The following COL6A5 variants were observed in gnomAD, a reference collection of about 807,000 sequenced individuals.
COL6A5 encodes collagen alpha-5(VI) chain.
COL6A5 carries 48 observed loss-of-function variants against 65.6 expected under a neutral mutation model. The observed-to-expected ratio is 0.73, with a 90% CI of 0.58 to 0.93. COL6A5 has a LOEUF of 0.93. COL6A5 is among the 40% of genes least tolerant of loss of function. The probability of loss-of-function intolerance (pLI) is 0.00; values close to 1 mark genes in which losing one functional copy is unlikely to be tolerated. For synonymous variants in COL6A5, 291 were observed against 322.8 expected, an observed-to-expected ratio of 0.90 and a Z score of 1.05; for missense variants, 914 against 928.3, an observed-to-expected ratio of 0.98 and a Z score of 0.20.
intron 25 of COL6A5, among the ~76,000 whole-genome samples, chr3:130,420,145 G>A (rs867115685): frequency 4.1e-3 from 42 of 10,164 alleles, no homozygotes; most frequent in African/African-American, 5.3e-3. Flanking sequence ...AAGGAAGAAA[G>A]AAGGAAGGAA....
chr3:130,400,601 A>T (rs540295529), intron 10 of COL6A5, among the ~76,000 whole-genome samples: 158 of 152,306 alleles, frequency 1.0e-3, no homozygotes, highest in African/African-American at 3.5e-3. Context: ...GGTGTTTGGA[A>T]TTGGGAATAA....
At chr3:130,381,800 A>G (rs530972321) in intron 4 of COL6A5, among the ~76,000 whole-genome samples, 2 of 152,084 alleles carry the variant, frequency 1.3e-5, no homozygotes, top group Admixed American at 6.6e-5. Flanking sequence ...CTTCAATCTA[A>G]TACTGTTACT....
At chr3:130,405,408 C>T (rs557338343) in intron 13 of COL6A5, among the ~76,000 whole-genome samples, 180 bp from the exon 14 acceptor site, 1 of 152,096 alleles carries the variant, frequency 6.6e-6, no homozygotes, top group Non-Finnish European at 1.5e-5. Flanking sequence ...TGTTTGAATA[C>T]AGAGGGGAAA....
chr3:130,408,450 C>A (rs545336171), intron 17 of COL6A5, among the ~76,000 whole-genome samples: 35 of 152,130 alleles, frequency 2.3e-4, no homozygotes, highest in African/African-American at 5.3e-4. Flanking sequence ...TGCTCGCGAA[C>A]ACTGTTTCCT....
intron 1 of COL6A5, among the ~76,000 whole-genome samples, chr3:130,363,425 C>T (rs1486098126): frequency 5.3e-5 from 8 of 152,112 alleles, no homozygotes; most frequent in African/African-American, 9.7e-5. Context: ...CCTGTGTTCC[C>T]GAGCTATGAA....
At chr3:130,352,414 A>G (rs1037923873) in intron 1 of COL6A5, among the ~76,000 whole-genome samples, 1 of 151,968 alleles carries the variant, frequency 6.6e-6, no homozygotes, top group Non-Finnish European at 1.5e-5. Context: ...TGATAATAAC[A>G]AGCTTATTGG....
At chr3:130,388,517 A>G (rs1057143894) in intron 5 of COL6A5, 63 bp from the exon 6 acceptor site, 21 of 1,295,532 alleles carry the variant, frequency 1.6e-5, no homozygotes, top group Non-Finnish European at 2.2e-5. Context: ...TTCTGCCTTA[A>G]TGTTACTTCA....
upstream of COL6A5, among the ~76,000 whole-genome samples, chr3:130,429,070 C>G (rs11927775): frequency 0.075 from 11,439 of 152,042 alleles, 505 homozygotes; most frequent in African/African-American, 0.12. Flanking sequence ...GGAGATCACT[C>G]AAACAGAGGA....
At chr3:130,407,662 A>G (rs1350519052) in intron 17 of COL6A5, among the ~76,000 whole-genome samples, 2 of 152,318 alleles carry the variant, frequency 1.3e-5, no homozygotes, top group South Asian at 4.1e-4. Flanking sequence ...TCCATTCTGC[A>G]CCTTAGGTGC....
intron 4 of COL6A5, among the ~76,000 whole-genome samples, chr3:130,450,936 C>T (rs1221451868): frequency 5.9e-5 from 9 of 152,060 alleles, no homozygotes; most frequent in African/African-American, 2.2e-4. Flanking sequence ...TTTAGCTGAG[C>T]CTGCAAACGG....
At chr3:130,439,413 CAAGGT>C in intron 1 of COL6A5, 104 bp from the exon 34 acceptor site, 1 of 620,930 alleles carries the variant, frequency 1.6e-6, no homozygotes, top group Non-Finnish European at 2.8e-6. Context: ...AGCTATAATG[CAAGGT>C]AATAGTGATT....
intron 1 of COL6A5, among the ~76,000 whole-genome samples, chr3:130,355,829 TA>T (rs1440236564): frequency 1.3e-5 from 2 of 150,598 alleles, no homozygotes; most frequent in Non-Finnish European, 1.5e-5. Flanking sequence ...GTCCTTACTT[TA>T]AAAAAAAAGG....
intron 24 of COL6A5, among the ~76,000 whole-genome samples, chr3:130,418,161 C>A (rs1389229422): frequency 1.3e-5 from 2 of 152,052 alleles, no homozygotes; most frequent in African/African-American, 4.8e-5. Context: ...TGTTGTACAC[C>A]TTAAACATAT....
chr3:130,414,025 A>G, intron 21 of COL6A5, 44 bp from the exon 22 acceptor site: 2 of 1,376,362 alleles, frequency 1.5e-6, no homozygotes, highest in Non-Finnish European at 1.0e-6. Flanking sequence ...CTATATGGAA[A>G]CAACGTGTAG....
intron 13 of COL6A5, among the ~76,000 whole-genome samples, chr3:130,405,206 G>C (rs540654590): frequency 6.6e-6 from 1 of 152,290 alleles, no homozygotes; most frequent in African/African-American, 2.4e-5. Flanking sequence ...GCACTGACTT[G>C]TGGGTCTACT....
chr3:130,447,831 A>AC (rs35848951), intron 4 of COL6A5, among the ~76,000 whole-genome samples: 126,337 of 152,120 alleles, frequency 0.83, 54,072 homozygotes, highest in Non-Finnish European at 0.93. Context: ...GACCCATATA[A>AC]CGGCATTGCC....
intron 3 of COL6A5, among the ~76,000 whole-genome samples, chr3:130,379,126 C>T (rs1244419973): frequency 6.6e-6 from 1 of 151,872 alleles, no homozygotes; most frequent in Non-Finnish European, 1.5e-5. Context: ...GGTGATCATA[C>T]AAGTGGTGAT....
At chr3:130,468,741 A>AGGG in intron 5 of COL6A5, 54 bp from the exon 38 acceptor site, 1 of 1,265,572 alleles carries the variant, frequency 7.9e-7, no homozygotes, top group Non-Finnish European at 1.1e-6. Context: ...TATGACTAGG[A>AGGG]GCTCCAAGCT....
intron 7 of COL6A5, among the ~76,000 whole-genome samples, chr3:130,474,688 TAGC>T (rs1489493510): frequency 6.6e-6 from 1 of 152,004 alleles, no homozygotes; most frequent in Admixed American, 6.6e-5. Context: ...ATGAGCTTAA[TAGC>T]AGAGTGATGA....
Sources: allele counts gnomAD v4.1 joint callset (sites outside exome capture counted in the v4.1 genomes callset), GRCh38; gene constraint gnomAD v4.1.1; transcripts MANE v1.5; gene names NCBI Gene and HGNC (gene_info 2026-07-23, HGNC 2026-07-21).